The following YWHAG variants were observed in gnomAD, a reference collection of about 807,000 sequenced individuals.
The protein encoded by YWHAG is tyrosine 3-monooxygenase/tryptophan 5-monooxygenase activation protein gamma, also known as 14-3-3 protein gamma.
Under a neutral mutation model 23.3 loss-of-function variants are expected in YWHAG, and 1 was observed. That is an observed-to-expected ratio of 0.04 (90% CI 0.02 to 0.20). YWHAG has a LOEUF of 0.20. YWHAG is among the 10% of genes least tolerant of loss of function. YWHAG has a pLI of 1.00. For missense variants in YWHAG, 151 were observed against 338.6 expected, an observed-to-expected ratio of 0.45 and a Z score of 4.35; for synonymous variants, 160 against 144.0, an observed-to-expected ratio of 1.11 and a Z score of -0.80.
At chr7:76,355,686 G>A (rs1213044633) in intron 1 of YWHAG, among the ~76,000 whole-genome samples, 1 of 152,138 alleles carries the variant, frequency 6.6e-6, no homozygotes, top group Non-Finnish European at 1.5e-5. Flanking sequence ...AAAGTCTATT[G>A]ATCCCACTAG....
intron 1 of YWHAG, among the ~76,000 whole-genome samples, chr7:76,342,220 G>C (rs1803707166): frequency 6.6e-6 from 1 of 152,070 alleles, no homozygotes; most frequent in South Asian, 2.1e-4. Flanking sequence ...AGATGAAAAA[G>C]GACAGGAAAT....
At chr7:76,335,637 A>G (rs1344720666) in intron 1 of YWHAG, among the ~76,000 whole-genome samples, 3 of 152,158 alleles carry the variant, frequency 2.0e-5, no homozygotes, top group Non-Finnish European at 4.4e-5. Flanking sequence ...CAATTTCCTT[A>G]TCTACCAAGA....
intron 1 of YWHAG, among the ~76,000 whole-genome samples, chr7:76,352,275 T>A (rs1583994221): frequency 1.3e-5 from 2 of 152,218 alleles, no homozygotes; most frequent in East Asian, 3.8e-4. Flanking sequence ...CTCTACGGCT[T>A]CAAAAGAAAC....
chr7:76,331,363 T>A (rs1026264670), intron 1 of YWHAG, among the ~76,000 whole-genome samples: 1 of 152,080 alleles, frequency 6.6e-6, no homozygotes, highest in African/African-American at 2.4e-5. Flanking sequence ...GTTGATCAAC[T>A]GCAGCATCTG....
intron 1 of YWHAG, among the ~76,000 whole-genome samples, chr7:76,333,389 C>T (rs1166728218): frequency 1.3e-5 from 2 of 152,226 alleles, no homozygotes; most frequent in Non-Finnish European, 2.9e-5. Flanking sequence ...AGGTGACAGC[C>T]ATTGTGCCCA....
At chr7:76,355,995 G>A (rs2115659943) in intron 1 of YWHAG, among the ~76,000 whole-genome samples, 1 of 152,184 alleles carries the variant, frequency 6.6e-6, no homozygotes, top group East Asian at 1.9e-4. Flanking sequence ...TCAAAATACT[G>A]CACAATACAG....
chr7:76,341,121 G>A (rs914634944), intron 1 of YWHAG, among the ~76,000 whole-genome samples: 7 of 152,176 alleles, frequency 4.6e-5, no homozygotes, highest in Admixed American at 1.3e-4. Flanking sequence ...GGCTGGGAGG[G>A]TTGGCTCATG....
chr7:76,330,867 G>A (rs140814910), intron 1 of YWHAG, among the ~76,000 whole-genome samples: 3 of 152,240 alleles, frequency 2.0e-5, no homozygotes, highest in Non-Finnish European at 4.4e-5. Context: ...CGAGCACAGC[G>A]CCTCTAGCTG....
chr7:76,336,010 A>G (rs532493007), intron 1 of YWHAG, among the ~76,000 whole-genome samples: 325 of 152,328 alleles, frequency 2.1e-3, no homozygotes, highest in African/African-American at 7.7e-3. Context: ...ATCTTCTTAA[A>G]TAACTCCTCG....
chr7:76,356,957 CCT>C (rs1237518546), intron 1 of YWHAG, among the ~76,000 whole-genome samples: 12 of 152,300 alleles, frequency 7.9e-5, no homozygotes, highest in African/African-American at 2.9e-4. Context: ...TGCATTGCAG[CCT>C]CTGTGTCATT....
chr7:76,337,305 T>C (rs1396509562), intron 1 of YWHAG, among the ~76,000 whole-genome samples: 1 of 152,136 alleles, frequency 6.6e-6, no homozygotes, highest in Non-Finnish European at 1.5e-5. Flanking sequence ...ATTAAACCTG[T>C]TTTCCTTCTG....
chr7:76,352,917 C>T (rs1483889884), intron 1 of YWHAG, among the ~76,000 whole-genome samples: 1 of 152,164 alleles, frequency 6.6e-6, no homozygotes, highest in Non-Finnish European at 1.5e-5. Context: ...TCCCAAAGTG[C>T]TGGGATTACA....
chr7:76,352,725 C>T, intron 1 of YWHAG, among the ~76,000 whole-genome samples: 1 of 151,930 alleles, frequency 6.6e-6, no homozygotes, highest in Non-Finnish European at 1.5e-5. Flanking sequence ...CCTCAGCTCA[C>T]TGCAACCTCT....
rs745551920 is a variant in YWHAG, at chr7:76,329,570, T to C, written c.*7A>G. The C allele has an allele frequency of 6.0e-6, 9 of 1,500,968 alleles. No individual in the cohort carries two copies. Among genetic ancestry groups the C allele is most frequent in the Non-Finnish European group, 8.1e-6 (9 of 1,107,228 alleles). 93.0% of individuals were successfully genotyped at this position (1,500,968 alleles called of 1,614,324 possible). On this transcript the variant is annotated 3_prime_UTR_variant, in exon 2 of 2. Coordinates refer to ENST00000307630, the MANE Select transcript of YWHAG (RefSeq NM_012479.4). The surrounding 1 kb of genome is among the most constrained non-coding windows in gnomAD (Gnocchi z 6.1). ...CATCCGCGTGCGCTGCCAGTTCCCC[T>C]GGGGCCTTAATTGTTGCCTTCGCCG...
chr7:76,345,330 C>T (rs1003834642), intron 1 of YWHAG, among the ~76,000 whole-genome samples: 9 of 151,708 alleles, frequency 5.9e-5, no homozygotes, highest in African/African-American at 1.5e-4. Flanking sequence ...GGACTACAGG[C>T]ACCCGCCACA....
intron 1 of YWHAG, among the ~76,000 whole-genome samples, chr7:76,344,549 T>A (rs1803747713): frequency 6.6e-6 from 1 of 152,284 alleles, no homozygotes; most frequent in East Asian, 1.9e-4. Flanking sequence ...CAAAATTAGT[T>A]GAAAAGGTTC....
intron 1 of YWHAG, among the ~76,000 whole-genome samples, chr7:76,350,027 G>A (rs899640255): frequency 1.3e-5 from 2 of 152,166 alleles, no homozygotes; most frequent in African/African-American, 2.4e-5. Flanking sequence ...AATAATCCCC[G>A]AGGAGGCCAG....
At chr7:76,353,558 C>T (rs1803904264) in intron 1 of YWHAG, among the ~76,000 whole-genome samples, 1 of 152,152 alleles carries the variant, frequency 6.6e-6, no homozygotes, top group Non-Finnish European at 1.5e-5. Flanking sequence ...TTCTACCACT[C>T]AAATTCATAA....
At chr7:76,353,716 G>GTT (rs1803907136) in intron 1 of YWHAG, among the ~76,000 whole-genome samples, 2 of 152,164 alleles carry the variant, frequency 1.3e-5, no homozygotes, top group African/African-American at 2.4e-5. Context: ...TGAGAGGAGA[G>GTT]GCCATAAGGC....
Sources: gnomAD v4.1 joint callset for allele counts (sites outside exome capture counted in the v4.1 genomes callset) on GRCh38, gnomAD v4.1.1 for gene constraint, Gnocchi (gnomAD v3.1) non-coding constraint, MANE v1.5 for transcripts, NCBI Gene and HGNC (gene_info 2026-07-23, HGNC 2026-07-21) for gene names.